KLC1: variants seen among roughly 807,000 people sequenced by gnomAD.
The protein encoded by KLC1 is kinesin light chain 1.
Under a neutral mutation model 84.2 loss-of-function variants are expected in KLC1, and 30 were observed. The ratio of observed to expected loss-of-function variants is 0.36; its 90% CI spans 0.27 to 0.48. KLC1 has a LOEUF of 0.48. Ranked by LOEUF, KLC1 falls within the 20% of genes least tolerant of loss-of-function variation. The probability of loss-of-function intolerance (pLI) is 0.99; values close to 1 mark genes in which losing one functional copy is unlikely to be tolerated. For missense variants in KLC1, 499 were observed against 805.4 expected (o/e 0.62, Z 4.60); for synonymous variants, 289 against 293.3 (o/e 0.99, Z 0.15).
chr14:103,685,599 G>A (rs1442557558), intron 13 of KLC1: 35 of 1,289,120 alleles, frequency 2.7e-5, no homozygotes, highest in Non-Finnish European at 3.4e-5. Context: ...TCCTCGCCGC[G>A]GTTTCACGTG....
chr14:103,634,845 T>C (rs903069122), intron 1 of KLC1, among the ~76,000 whole-genome samples: 7 of 152,144 alleles, frequency 4.6e-5, no homozygotes, highest in Non-Finnish European at 8.8e-5. Context: ...CCTCCCAAAG[T>C]GTCGGGATTA....
At chr14:103,639,052 A>T (rs540185925) in intron 1 of KLC1, among the ~76,000 whole-genome samples, 2 of 152,354 alleles carry the variant, frequency 1.3e-5, no homozygotes, top group African/African-American at 2.4e-5. Context: ...GTAAATGGGA[A>T]TTATAATGAT....
chr14:103,682,783 TA>T (rs918238384), intron 13 of KLC1: 12 of 145,016 alleles, frequency 8.3e-5, no homozygotes, highest in Non-Finnish European at 1.6e-4. Flanking sequence ...TATGTATATG[TA>T]TTTTTTTTTT....
At chr14:103,650,030 G>T (rs569971165) in intron 1 of KLC1, among the ~76,000 whole-genome samples, 1 of 152,046 alleles carries the variant, frequency 6.6e-6, no homozygotes, top group Non-Finnish European at 1.5e-5. Flanking sequence ...TCAGATGTTA[G>T]ATTTATCAGG....
chr14:103,647,990 TGGCA>T (rs1311035362), intron 1 of KLC1, among the ~76,000 whole-genome samples: 1 of 150,466 alleles, frequency 6.6e-6, no homozygotes, highest in Non-Finnish European at 1.5e-5. Flanking sequence ...CTCGCTCTTT[TGGCA>T]GGCTGGAGTG....
At chr14:103,698,820 G>A in intron 15 of KLC1, 2 of 1,603,190 alleles carry the variant, frequency 1.2e-6, no homozygotes, top group Non-Finnish European at 1.7e-6. Flanking sequence ...GGTCCCAGGT[G>A]TCCCTCGCAC....
intron 11 of KLC1, among the ~76,000 whole-genome samples, chr14:103,677,023 G>A (rs1254042933): frequency 1.3e-5 from 2 of 152,214 alleles, no homozygotes; most frequent in Admixed American, 6.5e-5. Context: ...GGCAGCACGT[G>A]AGCAGCAACA....
intron 1 of KLC1, among the ~76,000 whole-genome samples, chr14:103,635,436 CAAT>C (rs1298538548): frequency 1.3e-5 from 2 of 152,018 alleles, no homozygotes; most frequent in Non-Finnish European, 2.9e-5. Context: ...CTAGCTTGGG[CAAT>C]ATAGTGAGAC....
intron 2 of KLC1, 105 bp from the exon 3 acceptor site, chr14:103,657,441 T>C: frequency 1.3e-6 from 1 of 764,724 alleles, no homozygotes; most frequent in Non-Finnish European, 2.2e-6. Context: ...GGAGAAAATA[T>C]CTGCGAGTGT....
intron 1 of KLC1, among the ~76,000 whole-genome samples, chr14:103,630,366 T>C (rs922901823): frequency 1.3e-5 from 2 of 152,262 alleles, no homozygotes; most frequent in African/African-American, 2.4e-5. Context: ...ACTGTTTTAT[T>C]ATTTAAATGA....
At chr14:103,638,480 C>T (rs974554130) in intron 1 of KLC1, among the ~76,000 whole-genome samples, 2 of 150,338 alleles carry the variant, frequency 1.3e-5, no homozygotes, top group Non-Finnish European at 3.0e-5. Context: ...TACCATCTAT[C>T]TAATTCCACA....
At chr14:103,656,906 A>C (rs1466620794) in intron 2 of KLC1, among the ~76,000 whole-genome samples, 1 of 152,174 alleles carries the variant, frequency 6.6e-6, no homozygotes, top group Non-Finnish European at 1.5e-5. Context: ...TTGTGCTCTT[A>C]TGCTCCTAGG....
chr14:103,652,972 A>G (rs1251931035), intron 1 of KLC1, among the ~76,000 whole-genome samples: 2 of 152,186 alleles, frequency 1.3e-5, no homozygotes, highest in African/African-American at 4.8e-5. Context: ...TCAAGCACTC[A>G]TAGCTTCACC....
chr14:103,686,076 T>A, intron 13 of KLC1: 2 of 1,017,908 alleles, frequency 2.0e-6, no homozygotes, highest in South Asian at 7.6e-5. Flanking sequence ...CCGCTCGGAC[T>A]CCGGGTCTCC....
At position 103,699,164 on chromosome 14, in the gene KLC1, C is replaced by T. The variant is rs752896177; in HGVS notation, c.1849-1491C>T. 3 of 1,568,778 alleles carry T rather than the reference C, an allele frequency of 1.9e-6. No homozygotes were observed. The South Asian group carries it at 3.5e-5, about 18-fold the overall frequency. The stretch of plus-strand genomic sequence containing the variant: ...GGCCCGTGTGCTGCGCCCTGCTCCT[C>T]CATGGCCTCTGTCACCTGGAAGAGC... On this transcript the variant is annotated intron_variant, in intron 15 of 16. Transcript: ENST00000334553.
intron 4 of KLC1, 54 bp from the exon 5 acceptor site, chr14:103,662,648 T>A: frequency 7.5e-7 from 1 of 1,330,380 alleles, no homozygotes; most frequent in Non-Finnish European, 1.0e-6. Context: ...AGAAACTGAC[T>A]CATCTGGATA....
At chr14:103,697,351 T>C (rs533234730) in intron 15 of KLC1, among the ~76,000 whole-genome samples, 14 of 151,994 alleles carry the variant, frequency 9.2e-5, no homozygotes, top group Non-Finnish European at 1.3e-4. Flanking sequence ...GCCCTTACCT[T>C]TCCCCCAACC....
At chr14:103,662,386 A>G (rs1338248334) in intron 4 of KLC1, among the ~76,000 whole-genome samples, 192 bp downstream of exon 4, 2 of 152,142 alleles carry the variant, frequency 1.3e-5, no homozygotes, top group Admixed American at 6.5e-5. Context: ...AGCAGACCCT[A>G]GGATACAGCG....
intron 1 of KLC1, among the ~76,000 whole-genome samples, chr14:103,638,863 T>C (rs1427701503): frequency 6.6e-6 from 1 of 151,820 alleles, no homozygotes; most frequent in Non-Finnish European, 1.5e-5. Flanking sequence ...CAGTGGTGCA[T>C]ATGTATGAAC....
Sources: allele counts gnomAD v4.1 joint callset (sites outside exome capture counted in the v4.1 genomes callset), GRCh38; gene constraint gnomAD v4.1.1; transcripts MANE v1.5; gene names NCBI Gene and HGNC (gene_info 2026-07-23, HGNC 2026-07-21).